The following PIGK variants were observed in gnomAD, a reference collection of about 807,000 sequenced individuals.
PIGK encodes phosphatidylinositol glycan anchor biosynthesis class K.
A neutral mutation model predicts 50.6 loss-of-function variants in PIGK; 42 were observed. The observed-to-expected ratio is 0.83, with a 90% confidence interval of 0.65 to 1.07. The LOEUF (loss-of-function observed/expected upper bound fraction) is 1.07. PIGK is among the 50% of genes least tolerant of loss of function. PIGK has a pLI of 0.00. For synonymous variants in PIGK, 151 were observed against 156.0 expected, an observed-to-expected ratio of 0.97 and a Z score of 0.24; for missense variants, 448 against 488.7, an observed-to-expected ratio of 0.92 and a Z score of 0.78.
At chr1:77,104,673 C>T (rs551054882) in intron 10 of PIGK, among the ~76,000 whole-genome samples, 3 of 152,158 alleles carry the variant, frequency 2.0e-5, no homozygotes, top group Admixed American at 6.5e-5. Flanking sequence ...AGGATTTTCT[C>T]GCGCCTTCAA....
chr1:77,208,945 T>C (rs945463589), intron 2 of PIGK, among the ~76,000 whole-genome samples: 9 of 152,202 alleles, frequency 5.9e-5, no homozygotes, highest in Non-Finnish European at 1.2e-4. Flanking sequence ...TTAATTATAG[T>C]CTTGCATGTT....
At chr1:77,097,947 G>A (rs1309742880) in intron 10 of PIGK, among the ~76,000 whole-genome samples, 1 of 151,926 alleles carries the variant, frequency 6.6e-6, no homozygotes, top group Non-Finnish European at 1.5e-5. Context: ...CTACAGAGAG[G>A]GGTAAACAGT....
At chr1:77,130,531 TC>T (rs1463001733) in intron 9 of PIGK, among the ~76,000 whole-genome samples, 4 of 151,802 alleles carry the variant, frequency 2.6e-5, no homozygotes, top group African/African-American at 9.7e-5. Flanking sequence ...TATGCATGAG[TC>T]TGTGGGGGCT....
intron 10 of PIGK, among the ~76,000 whole-genome samples, chr1:77,117,009 T>G (rs570118818): frequency 6.6e-6 from 1 of 152,344 alleles, no homozygotes; most frequent in African/African-American, 2.4e-5. Context: ...TAAAACTTCT[T>G]TTAGCATGGT....
chr1:77,180,027 T>C (rs1165923415), intron 3 of PIGK, among the ~76,000 whole-genome samples: 1 of 149,554 alleles, frequency 6.7e-6, no homozygotes, highest in Non-Finnish European at 1.5e-5. Context: ...AAATCAAGAC[T>C]CAAAAAAAGA....
chr1:77,151,054 T>A lies in PIGK; in HGVS notation c.986+3395A>T, dbSNP rs1432708626. ...CCACCACACACACACATAAAAAATC[T>A]AAAGGCCAATATCTCTGATGAACAT... is the stretch of plus-strand genomic sequence containing the variant. On this transcript the variant is annotated intron_variant, in intron 9 of 10. Transcript: ENST00000370812. 2.0e-5 allele frequency among the ~76,000 whole-genome samples: 3 copies of A among 151,784 alleles called. No homozygotes were observed. The East Asian group carries it at 5.8e-4, about 29-fold the overall frequency.
chr1:77,135,027 T>C (rs978098000), intron 9 of PIGK, among the ~76,000 whole-genome samples: 2 of 152,178 alleles, frequency 1.3e-5, no homozygotes, highest in African/African-American at 2.4e-5. Context: ...AGACTTACTC[T>C]TTTGGCCTAG....
chr1:77,195,477 AAAG>A, intron 3 of PIGK: 1 of 794,882 alleles, frequency 1.3e-6, no homozygotes, highest in Non-Finnish European at 1.9e-6. Context: ...GAAAAAAAGA[AAAG>A]AATGACTATT....
intron 9 of PIGK, among the ~76,000 whole-genome samples, chr1:77,124,631 A>G (rs976353278): frequency 5.0e-5 from 7 of 138,848 alleles, no homozygotes; most frequent in Non-Finnish European, 1.2e-4. Context: ...AAAAAAAAAA[A>G]CACACACACG....
chr1:77,168,711 T>C (rs1388460814), intron 4 of PIGK, among the ~76,000 whole-genome samples: 1 of 151,568 alleles, frequency 6.6e-6, no homozygotes, highest in Non-Finnish European at 1.5e-5. Flanking sequence ...GGAAGGATTA[T>C]CTAAGAAGAC....
rs1475149390 is a variant in PIGK at position 77,219,354 on chromosome 1, C to T, written c.49G>A (p.Val17Met). 1 of 1,613,926 alleles carries T rather than the reference C, an allele frequency of 6.2e-7. No individual in the cohort carries two copies. The change falls in exon 1 of 11, where the codon GTG becomes ATG. Residue 17 changes from valine to methionine, a missense_variant. Physicochemically the swap from Val to Met is conservative, Grantham distance 21. Coordinates refer to ENST00000370812, the MANE Select transcript of PIGK (RefSeq NM_005482.3). ...LSRAATVLAT[V>M]LLLSFGSVAA... is the part of the protein sequence containing the mutation. ...ACGCTGCCGAAGGACAAGAGCAACA[C>T]AGTTGCCAAGACAGTCGCAGCCCGG...
At chr1:77,138,076 T>C (rs1026515035) in intron 9 of PIGK, among the ~76,000 whole-genome samples, 1 of 152,214 alleles carries the variant, frequency 6.6e-6, no homozygotes, top group Non-Finnish European at 1.5e-5. Flanking sequence ...CCCTGTATTG[T>C]CCACTTTCCT....
chr1:77,138,692 G>C (rs1654577163), intron 9 of PIGK, among the ~76,000 whole-genome samples: 1 of 152,190 alleles, frequency 6.6e-6, no homozygotes, highest in African/African-American at 2.4e-5. Context: ...ACTCTCACGG[G>C]ATTAGCTTGC....
At chr1:77,119,752 G>A (rs1654051731) in intron 10 of PIGK, among the ~76,000 whole-genome samples, 1 of 152,088 alleles carries the variant, frequency 6.6e-6, no homozygotes, top group South Asian at 2.1e-4. Context: ...TCCCTGCTTT[G>A]AAAGCCTCCA....
chr1:77,187,024 C>T (rs1045178673), intron 3 of PIGK, among the ~76,000 whole-genome samples: 3 of 152,196 alleles, frequency 2.0e-5, no homozygotes, highest in Non-Finnish European at 4.4e-5. Flanking sequence ...TGTGGCCTCA[C>T]AAATGCCTTA....
intron 3 of PIGK, among the ~76,000 whole-genome samples, chr1:77,183,491 TG>T (rs1250166349): frequency 1.3e-5 from 2 of 152,188 alleles, no homozygotes; most frequent in Non-Finnish European, 2.9e-5. Flanking sequence ...TAACAAGTCC[TG>T]GCAGGCCCCT....
chr1:77,105,282 G>A (rs1653642280), intron 10 of PIGK, among the ~76,000 whole-genome samples: 1 of 152,030 alleles, frequency 6.6e-6, no homozygotes, highest in East Asian at 2.0e-4. Flanking sequence ...CAGGATGGGG[G>A]TGGGGCAGGC....
chr1:77,151,351 A>G (rs530540251), intron 9 of PIGK, among the ~76,000 whole-genome samples: 79 of 152,318 alleles, frequency 5.2e-4, no homozygotes, highest in African/African-American at 1.8e-3. Flanking sequence ...ATACATCAAC[A>G]TGATAAAGGC....
Position 77,092,489 on chromosome 1 carries a change from T to C in PIGK, c.1073A>G (p.Lys358Arg). ...QLPVAQIIHQ[K>R]PKLKDWHPPG... ...AGGATGCCAGTCTTTCAGCTTCGGTTTCTGCAAAACAAGAATAACATGATA... is the reference window on the plus strand; with the variant it reads ...AGGATGCCAGTCTTTCAGCTTCGGTCTCTGCAAAACAAGAATAACATGATA... The change falls in exon 11 of 11, where the codon AAA (lysine) becomes AGA (arginine). Residue 358 changes from lysine (K) to arginine (R), a missense_variant and splice_region_variant. Transcript: ENST00000370812. The C allele has an allele frequency of 6.7e-7, 1 of 1,502,960 alleles. No homozygotes were observed. The highest frequency in any genetic ancestry group is 1.4e-5 in the African/African-American group (1 of 72,058). The allele number at this position is 1,502,960 out of a possible 1,614,324, so 93.1% of individuals were successfully genotyped here. A position where few individuals can be genotyped will look rare whatever the true frequency, so the allele number is the denominator to read the frequency against.
Sources: allele counts gnomAD v4.1 joint callset (sites outside exome capture counted in the v4.1 genomes callset), GRCh38; gene constraint gnomAD v4.1.1; transcripts MANE v1.5; gene names NCBI Gene and HGNC (gene_info 2026-07-23, HGNC 2026-07-21).